GPC5: variants seen among roughly 807,000 people sequenced by gnomAD.
GPC5 encodes glypican 5, also known as glypican-5.
GPC5 carries 47 observed loss-of-function variants against 53.9 expected under a neutral mutation model. The observed-to-expected ratio is 0.87, with a 90% CI of 0.69 to 1.11. GPC5 has a LOEUF of 1.11. GPC5 is among the 50% of genes most tolerant of loss of function. The pLI is 0.00. For synonymous variants in GPC5, 286 were observed against 263.3 expected, an observed-to-expected ratio of 1.09 and a Z score of -0.84; for missense variants, 748 against 713.1, an observed-to-expected ratio of 1.05 and a Z score of -0.56.
At chr13:92,771,178 C>A (rs1291799939) in intron 7 of GPC5, among the ~76,000 whole-genome samples, 4 of 152,090 alleles carry the variant, frequency 2.6e-5, no homozygotes. Flanking sequence ...TTTACTTCAC[C>A]TTCTCTAACA....
At chr13:91,455,098 C>T (rs191109033) in intron 2 of GPC5, among the ~76,000 whole-genome samples, 29 of 151,946 alleles carry the variant, frequency 1.9e-4, no homozygotes, top group African/African-American at 6.3e-4. Flanking sequence ...AAATATGTGA[C>T]GTTTATTCAT....
At chr13:92,130,643 TCG>T (rs765724848) in intron 6 of GPC5, among the ~76,000 whole-genome samples, 4 of 152,066 alleles carry the variant, frequency 2.6e-5, no homozygotes, top group African/African-American at 4.8e-5. Context: ...TAAGGAATAT[TCG>T]CCATGCAAAT....
chr13:91,955,827 C>T (rs2040068014), intron 6 of GPC5, among the ~76,000 whole-genome samples: 1 of 152,208 alleles, frequency 6.6e-6, no homozygotes, highest in South Asian at 2.1e-4. Context: ...TGGCTAAACA[C>T]ATCGCTACAA....
chr13:91,997,761 C>T (rs2138747259), intron 6 of GPC5, among the ~76,000 whole-genome samples: 1 of 152,262 alleles, frequency 6.6e-6, no homozygotes, highest in East Asian at 1.9e-4. Flanking sequence ...CTCAAATGAT[C>T]TGCCCGCCTC....
rs141243573 is a variant in GPC5, at chr13:92,238,627, A to G, written c.1561+93638A>G. 6.1e-4 allele frequency among the ~76,000 whole-genome samples: 93 copies of G among 152,036 alleles called. No homozygotes were observed. The East Asian group carries it at 0.015, about 24-fold the overall frequency. ...TCCATTATTAGACATATAATTTCCA[A>G]ATACTTTCTCCCTTTCTCTGGGTTA... is the stretch of plus-strand genomic sequence containing the variant. On this transcript the variant is annotated intron_variant, in intron 7 of 7. Coordinates refer to ENST00000377067, the MANE Select transcript of GPC5 (RefSeq NM_004466.6).
chr13:91,564,198 T>A (rs1263135214), intron 2 of GPC5, among the ~76,000 whole-genome samples: 6 of 152,204 alleles, frequency 3.9e-5, no homozygotes, highest in Admixed American at 3.3e-4. Flanking sequence ...CTTACCATCA[T>A]CTTCGTGGTG....
intron 7 of GPC5, among the ~76,000 whole-genome samples, chr13:92,453,813 T>C (rs1319336588): frequency 2.0e-5 from 3 of 152,212 alleles, no homozygotes; most frequent in Non-Finnish European, 4.4e-5. Context: ...TTTATATAAA[T>C]GTTGGAAAAT....
At chr13:91,658,577 A>T (rs1015050417) in intron 2 of GPC5, among the ~76,000 whole-genome samples, 6 of 152,162 alleles carry the variant, frequency 3.9e-5, no homozygotes, top group African/African-American at 1.4e-4. Flanking sequence ...ATGTTTAATT[A>T]TAGTATCTAT....
chr13:91,962,077 C>A (rs2040131429), intron 6 of GPC5, among the ~76,000 whole-genome samples: 1 of 152,032 alleles, frequency 6.6e-6, no homozygotes, highest in Non-Finnish European at 1.5e-5. Context: ...TGGTTAAATT[C>A]ATTTGACAGT....
In GPC5 at chr13:91,595,672, T is replaced by C. The variant is rs115607445; in HGVS notation, c.326-97515T>C. ...AAGCAGGCGCATTTGTTCTAGTTTG[T>C]TTTATATTTCAAAAAGCAAAGAAAA... On this transcript the variant is annotated intron_variant, in intron 2 of 7. Transcript: ENST00000377067. Among the ~76,000 whole-genome samples, 1,486 of 152,334 alleles carry C rather than the reference T, an allele frequency of 9.8e-3. 34 individuals carry two copies. Among genetic ancestry groups the C allele is most frequent in the African/African-American group, 0.033 (1,383 of 41,572 alleles).
intron 7 of GPC5, among the ~76,000 whole-genome samples, chr13:92,256,393 A>G (rs547657572): frequency 3.3e-5 from 5 of 152,150 alleles, no homozygotes; most frequent in African/African-American, 1.2e-4. Context: ...AGGTTAAATT[A>G]CATAGCCAAA....
intron 4 of GPC5, among the ~76,000 whole-genome samples, chr13:91,749,653 T>G (rs1332521115): frequency 1.3e-5 from 2 of 152,240 alleles, no homozygotes; most frequent in African/African-American, 4.8e-5. Context: ...TTTAGTTCTT[T>G]CAGAAATCTC....
At chr13:91,923,133 ATCTC>A (rs2039732964) in intron 6 of GPC5, among the ~76,000 whole-genome samples, 4 of 151,998 alleles carry the variant, frequency 2.6e-5, no homozygotes, top group Admixed American at 1.3e-4. Context: ...CAATCAATCA[ATCTC>A]TCTATCTCTC....
chr13:92,324,687 T>A (rs764036389), intron 7 of GPC5, among the ~76,000 whole-genome samples: 3 of 151,890 alleles, frequency 2.0e-5, no homozygotes, highest in Non-Finnish European at 2.9e-5. Context: ...TAGTACTGCA[T>A]ATCATTATGT....
intron 7 of GPC5, among the ~76,000 whole-genome samples, chr13:92,290,124 T>C (rs1178388373): frequency 1.3e-5 from 2 of 152,214 alleles, no homozygotes; most frequent in Non-Finnish European, 2.9e-5. Context: ...AAAACTGTTA[T>C]ACAATTTTAA....
intron 6 of GPC5, among the ~76,000 whole-genome samples, chr13:91,908,738 A>G (rs958137083): frequency 2.8e-4 from 43 of 152,252 alleles, no homozygotes; most frequent in Non-Finnish European, 5.9e-4. Flanking sequence ...TCCATTCTGC[A>G]TCTATTGATG....
chr13:92,229,230 T>C (rs996684312), intron 7 of GPC5, among the ~76,000 whole-genome samples: 1 of 152,100 alleles, frequency 6.6e-6, no homozygotes, highest in African/African-American at 2.4e-5. Context: ...TTAAAAATCA[T>C]AGGTCATTAT....
At chr13:92,278,968 T>A (rs908580931) in intron 7 of GPC5, among the ~76,000 whole-genome samples, 12 of 152,068 alleles carry the variant, frequency 7.9e-5, no homozygotes, top group Non-Finnish European at 5.9e-5. Flanking sequence ...GAGTCTTAAA[T>A]CATTTTTTTT....
At chr13:92,810,994 G>A (rs560194737) in intron 7 of GPC5, among the ~76,000 whole-genome samples, 15 of 151,876 alleles carry the variant, frequency 9.9e-5, no homozygotes, top group South Asian at 2.1e-4. Flanking sequence ...TGCTGGGATT[G>A]CAGGAGTGAG....
Sources: allele counts gnomAD v4.1 joint callset (sites outside exome capture counted in the v4.1 genomes callset), GRCh38; gene constraint gnomAD v4.1.1; transcripts MANE v1.5; gene names NCBI Gene and HGNC (gene_info 2026-07-23, HGNC 2026-07-21).